Variants in PCDHGB4 observed in about 807,000 individuals in gnomAD.
The protein encoded by PCDHGB4 is protocadherin gamma-B4.
PCDHGB4 carries 38 observed loss-of-function variants against 60.5 expected under a neutral mutation model. That is an observed-to-expected ratio of 0.63 (90% CI 0.48 to 0.82). The LOEUF (loss-of-function observed/expected upper bound fraction) is 0.82. Among genes scored for constraint, PCDHGB4 ranks in the 40% least tolerant of loss-of-function variants. The probability of loss-of-function intolerance (pLI) is 0.00; values close to 1 mark genes in which losing one functional copy is unlikely to be tolerated. For missense variants in PCDHGB4, 1,109 were observed against 1,209.6 expected (o/e 0.92, Z 1.23); for synonymous variants, 456 against 509.7 (o/e 0.89, Z 1.42).
chr5:141,486,671 C>T lies in PCDHGB4; in HGVS notation c.2398-8136C>T, dbSNP rs1307620045. The T allele has an allele frequency of 1.9e-6, 3 of 1,613,926 alleles. No homozygotes were observed. Among genetic ancestry groups the T allele is most frequent in the South Asian group, 1.1e-5 (1 of 91,078 alleles). On this transcript the variant is annotated intron_variant, in intron 1 of 3. Coordinates refer to ENST00000519479, the MANE Select transcript of PCDHGB4 (RefSeq NM_003736.4). This position sits in a 1 kb window ranked among gnomAD's most constrained non-coding sequence, Gnocchi z 5.0. Reference sequence around the variant, plus strand: ...CTACTCACTCCTGGAGCCCAGGAATCGAGATGTATCAGCTTCCTCTTTCAT... The same window carrying T: ...CTACTCACTCCTGGAGCCCAGGAATTGAGATGTATCAGCTTCCTCTTTCAT...
At chr5:141,443,604 G>A (rs1561911807) in intron 1 of PCDHGB4, among the ~76,000 whole-genome samples, 1 of 152,194 alleles carries the variant, frequency 6.6e-6, no homozygotes, top group Non-Finnish European at 1.5e-5. Context: ...TATATGAAAT[G>A]TTCTTATAAT....
At chr5:141,453,552 A>G (rs1005017830) in intron 1 of PCDHGB4, among the ~76,000 whole-genome samples, 2 of 152,188 alleles carry the variant, frequency 1.3e-5, no homozygotes, top group Non-Finnish European at 2.9e-5. Flanking sequence ...CACACTCTGT[A>G]GATAATCGAT....
intron 1 of PCDHGB4, among the ~76,000 whole-genome samples, chr5:141,456,544 G>C (rs1020609068): frequency 6.6e-6 from 1 of 152,192 alleles, no homozygotes; most frequent in Non-Finnish European, 1.5e-5. Context: ...AGGGATTGTA[G>C]CCACTCGGGG....
intron 1 of PCDHGB4, among the ~76,000 whole-genome samples, chr5:141,407,534 A>G (rs72790039): frequency 0.022 from 3,304 of 149,594 alleles, 53 homozygotes; most frequent in South Asian, 0.039. Context: ...CTTATTGTGC[A>G]TTGGTAACAG....
rs914637211 is a variant in PCDHGB4, at chr5:141,422,245, G to C, written c.2397+31964G>C. The C allele has an allele frequency of 2.2e-5, 34 of 1,566,540 alleles. No individual in the cohort carries two copies. Among genetic ancestry groups the C allele is most frequent in the Non-Finnish European group, 2.8e-5 (32 of 1,162,588 alleles). On this transcript the variant is annotated intron_variant, in intron 1 of 3. Coordinates refer to ENST00000519479, the MANE Select transcript of PCDHGB4 (RefSeq NM_003736.4). ...CACGACGATGTTGATCACTGTTGTG[G>C]ATGTGAATGATAACGCTCCAGAAAT...
rs1427742903 is a variant in PCDHGB4 at position 141,477,916 on chromosome 5, A to G, written c.2398-16891A>G. On this transcript the variant is annotated intron_variant, in intron 1 of 3. Coordinates refer to ENST00000519479, the MANE Select transcript of PCDHGB4 (RefSeq NM_003736.4). This position sits in a 1 kb window ranked among gnomAD's most constrained non-coding sequence, Gnocchi z 4.9. ...GGGTGGTAGGCTGGGACGCGGATGC[A>G]GGGCACAATGCCTGGCTCTCCTACA... The G allele has an allele frequency of 1.2e-6, 2 of 1,614,042 alleles. No homozygotes were observed. The highest frequency in any genetic ancestry group is 2.7e-5 in the African/African-American group (2 of 74,932).
intron 1 of PCDHGB4, among the ~76,000 whole-genome samples, chr5:141,492,421 C>G (rs986772215): frequency 5.9e-5 from 9 of 152,250 alleles, no homozygotes; most frequent in African/African-American, 1.9e-4. Context: ...CTCCCTCCGC[C>G]GGGCTCAGGA....
At chr5:141,495,052 CTGTT>C (rs1406995321) in intron 2 of PCDHGB4, among the ~76,000 whole-genome samples, 187 bp downstream of exon 2, 1 of 152,190 alleles carries the variant, frequency 6.6e-6, no homozygotes, top group Non-Finnish European at 1.5e-5. Context: ...ACTGCCCTGA[CTGTT>C]CAGGAAGCTC....
chr5:141,427,469 C>T lies in PCDHGB4; in HGVS notation c.2397+37188C>T, dbSNP rs116302471. The T allele has an allele frequency of 9.8e-3, 5,010 of 510,088 alleles. 35 individuals are homozygous for T. Among genetic ancestry groups the T allele is most frequent in the Non-Finnish European group, 0.012 (3,225 of 262,464 alleles). 31.6% of individuals were successfully genotyped at this position (510,088 alleles called of 1,614,324 possible). A position where few individuals can be genotyped will look rare whatever the true frequency, so the allele number is the denominator to read the frequency against. On this transcript the variant is annotated intron_variant, in intron 1 of 3. Coordinates refer to ENST00000519479, the MANE Select transcript of PCDHGB4 (RefSeq NM_003736.4). Reference sequence around the variant, plus strand: ...GAGTTCCTTTTAGAATCGAATCTTCCGCCAATAATGACTATAAGCTTGTAA... The same window carrying T: ...GAGTTCCTTTTAGAATCGAATCTTCTGCCAATAATGACTATAAGCTTGTAA...
In PCDHGB4 at chr5:141,485,101, T is replaced by C; in HGVS notation, c.2398-9706T>C. On this transcript the variant is annotated intron_variant, in intron 1 of 3. Coordinates refer to ENST00000519479, the MANE Select transcript of PCDHGB4 (RefSeq NM_003736.4). The surrounding 1 kb of genome is among the most constrained non-coding windows in gnomAD (Gnocchi z 5.7). ...GGAAAGGGAGATAGGTGTCTCCAGC[T>C]GCTGTGGCTGTTTGGGGCGGGTCGG... 1 of 1,158,208 alleles carries C rather than the reference T, an allele frequency of 8.6e-7. No homozygotes were observed. Among genetic ancestry groups the C allele is most frequent in the South Asian group, 1.4e-5 (1 of 72,622 alleles). The allele number at this position is 1,158,208 out of a possible 1,614,324, so 71.7% of individuals were successfully genotyped here.
intron 2 of PCDHGB4, among the ~76,000 whole-genome samples, chr5:141,500,775 T>C (rs1251282826): frequency 6.6e-6 from 1 of 152,218 alleles, no homozygotes; most frequent in Non-Finnish European, 1.5e-5. Context: ...CTTATGAATA[T>C]ACATATTATT....
intron 1 of PCDHGB4, chr5:141,400,097 A>G: frequency 6.2e-7 from 1 of 1,614,048 alleles, no homozygotes; most frequent in Non-Finnish European, 8.5e-7. Flanking sequence ...GCCACGCTGC[A>G]CTTGGTCTTT....
At chr5:141,416,982 T>C (rs191309825) in intron 1 of PCDHGB4, 25 of 152,264 alleles carry the variant, frequency 1.6e-4, no homozygotes, top group African/African-American at 5.5e-4. Context: ...GAGTCAAAAT[T>C]ATTGTGCATT....
In PCDHGB4 at chr5:141,431,627, C is replaced by T. The variant is rs769351473; in HGVS notation, c.2397+41346C>T. 2.5e-6 allele frequency: 4 copies of T among 1,614,076 alleles called. No homozygotes were observed. The South Asian group carries it at 4.4e-5, about 18-fold the overall frequency. On this transcript the variant is annotated intron_variant, in intron 1 of 3. Coordinates refer to ENST00000519479, the MANE Select transcript of PCDHGB4 (RefSeq NM_003736.4). The surrounding 1 kb of genome is among the most constrained non-coding windows in gnomAD (Gnocchi z 4.8). Reference sequence around the variant, plus strand: ...CCGGTATGTGGACGACAAGGCGGCCCAAGTTTTCAAACTAGATTGTAATTC... The same window carrying T: ...CCGGTATGTGGACGACAAGGCGGCCTAAGTTTTCAAACTAGATTGTAATTC...
rs2099427641 is a variant in PCDHGB4, at chr5:141,477,974, G to T, written c.2398-16833G>T. The T allele has an allele frequency of 1.2e-6, 2 of 1,614,034 alleles. No homozygotes were observed. The highest frequency in any genetic ancestry group is 1.6e-4 in the Middle Eastern group (1 of 6,062). On this transcript the variant is annotated intron_variant, in intron 1 of 3. Transcript: ENST00000519479. This position sits in a 1 kb window ranked among gnomAD's most constrained non-coding sequence, Gnocchi z 4.9. ...GGGATCCCCTAACCAGAGCCTTTTT[G>T]CCATAGGGCTGCACACTGGTCAAAT...
At chr5:141,422,038 G>A (rs949164524) in intron 1 of PCDHGB4, 9 of 1,611,746 alleles carry the variant, frequency 5.6e-6, no homozygotes, top group Non-Finnish European at 7.6e-6. Context: ...AACGGATCCA[G>A]ACGAGGGAAT....
intron 1 of PCDHGB4, among the ~76,000 whole-genome samples, chr5:141,430,357 T>C (rs1258305414): frequency 1.3e-5 from 2 of 149,904 alleles, no homozygotes; most frequent in Non-Finnish European, 3.0e-5. Context: ...ATTTAAAAGC[T>C]CATTGGGGAA....
At chr5:141,448,086 TA>T (rs558292628) in intron 1 of PCDHGB4, among the ~76,000 whole-genome samples, 67 of 146,274 alleles carry the variant, frequency 4.6e-4, no homozygotes, top group African/African-American at 8.0e-4. Context: ...AATGCCATCT[TA>T]AAAAAAAAAA....
rs1561748501 is a variant in PCDHGB4 at position 141,414,351 on chromosome 5, G to GT, written c.2397+24071dup. On this transcript the variant is annotated intron_variant, in intron 1 of 3. Coordinates refer to ENST00000519479, the MANE Select transcript of PCDHGB4 (RefSeq NM_003736.4). ...GACAGGTAACCTGTTCCATTTTGGC[G>GT]TATCTACCATTTAAATTAGAAAAGT... 2.5e-6 allele frequency: 4 copies of GT among 1,613,794 alleles called. No individual in the cohort carries two copies. The South Asian group carries it at 3.3e-5, about 13-fold the overall frequency.
Sources: allele counts gnomAD v4.1 joint callset (sites outside exome capture counted in the v4.1 genomes callset), GRCh38; gene constraint gnomAD v4.1.1; non-coding constraint Gnocchi (gnomAD v3.1); transcripts MANE v1.5; gene names NCBI Gene and HGNC (gene_info 2026-07-23, HGNC 2026-07-21).